The following RIMS1 variants were observed in gnomAD, a reference collection of about 807,000 sequenced individuals.
RIMS1 encodes regulating synaptic membrane exocytosis protein 1.
Under a neutral mutation model 214.1 loss-of-function variants are expected in RIMS1, and 83 were observed. That is an observed-to-expected ratio of 0.39 (90% CI 0.32 to 0.47). The LOEUF (loss-of-function observed/expected upper bound fraction) is 0.47, where lower values mean the gene tolerates loss of function less well. RIMS1 is among the 20% of genes least tolerant of loss of function. The pLI is 0.99. For synonymous variants in RIMS1, 793 were observed against 786.8 expected, an observed-to-expected ratio of 1.01 and a Z score of -0.13; for missense variants, 2,050 against 2,161.8, an observed-to-expected ratio of 0.95 and a Z score of 1.03.
chr6:72,049,757 G>A (rs923367114), intron 2 of RIMS1, among the ~76,000 whole-genome samples: 3 of 152,156 alleles, frequency 2.0e-5, no homozygotes, highest in Non-Finnish European at 4.4e-5. Flanking sequence ...ATTAAGGAAG[G>A]AGAAGTACAG....
At chr6:72,393,677 AG>A (rs2098737372) in intron 31 of RIMS1, among the ~76,000 whole-genome samples, 1 of 152,084 alleles carries the variant, frequency 6.6e-6, no homozygotes, top group Non-Finnish European at 1.5e-5. Context: ...CAGTGAGCCC[AG>A]ATCAGGGCAC....
At chr6:72,098,547 G>A (rs373440731) in intron 3 of RIMS1, among the ~76,000 whole-genome samples, 7 of 150,408 alleles carry the variant, frequency 4.7e-5, no homozygotes, top group African/African-American at 1.5e-4. Context: ...CGCCCGTCTC[G>A]GCTTCCCAAA....
At chr6:72,280,385 A>G (rs994208975) in intron 23 of RIMS1, among the ~76,000 whole-genome samples, 2 of 152,008 alleles carry the variant, frequency 1.3e-5, no homozygotes, top group Non-Finnish European at 2.9e-5. Flanking sequence ...CCTATTTTAT[A>G]TATCTCAATC....
chr6:71,911,142 C>T (rs766703896), intron 1 of RIMS1, among the ~76,000 whole-genome samples: 12 of 152,076 alleles, frequency 7.9e-5, no homozygotes, highest in Non-Finnish European at 1.6e-4. Context: ...GTTTACCCTT[C>T]GACATTGAAT....
chr6:71,945,019 C>T (rs537307734), intron 1 of RIMS1, among the ~76,000 whole-genome samples: 6 of 152,264 alleles, frequency 3.9e-5, no homozygotes, highest in African/African-American at 1.2e-4. Flanking sequence ...TTACTATGTG[C>T]AAACTTTCAA....
Position 72,098,317 on chromosome 6 carries a change from G to A in RIMS1, c.459+1155G>A, listed in dbSNP as rs181742518. 1.7e-3 allele frequency among the ~76,000 whole-genome samples: 204 copies of A among 118,996 alleles called. 1 individual carries two copies. The highest frequency in any genetic ancestry group is 6.3e-3 in the African/African-American group (187 of 29,524). The allele number at this position is 118,996 out of a possible 152,430, so 78.1% of individuals were successfully genotyped here. A position where few individuals can be genotyped will look rare whatever the true frequency, so the allele number is the denominator to read the frequency against. On this transcript the variant is annotated intron_variant, in intron 3 of 33. Transcript: ENST00000521978. ...TTTTTTTTTTTTTCTTTTTTTTCTT[G>A]AGACAGAGTCTTGCTCTGTCACCCA... is the stretch of plus-strand genomic sequence containing the variant.
intron 29 of RIMS1, among the ~76,000 whole-genome samples, chr6:72,370,010 G>A (rs189804432): frequency 8.7e-4 from 133 of 152,284 alleles, no homozygotes; most frequent in Non-Finnish European, 1.4e-3. Flanking sequence ...CCATTTTTAA[G>A]GGGCAGAAGA....
At chr6:72,273,514 A>C (rs1170200150) in intron 22 of RIMS1, among the ~76,000 whole-genome samples, 1 of 152,144 alleles carries the variant, frequency 6.6e-6, no homozygotes, top group Non-Finnish European at 1.5e-5. Context: ...CACAGACAGA[A>C]TCTAAAGGTA....
At chr6:72,361,392 C>A (rs943601937) in intron 29 of RIMS1, among the ~76,000 whole-genome samples, 1 of 152,020 alleles carries the variant, frequency 6.6e-6, no homozygotes, top group African/African-American at 2.4e-5. Flanking sequence ...AGGTGTGAGC[C>A]ACTGCACCGG....
intron 8 of RIMS1, among the ~76,000 whole-genome samples, chr6:72,236,841 C>T (rs1226590522): frequency 6.7e-6 from 1 of 149,974 alleles, no homozygotes. Context: ...TATTGGGCCA[C>T]ATTCAAAGTC....
chr6:72,359,760 A>C (rs1366824425), intron 29 of RIMS1, among the ~76,000 whole-genome samples: 1 of 152,198 alleles, frequency 6.6e-6, no homozygotes, highest in African/African-American at 2.4e-5. Flanking sequence ...TGTGAGAGAA[A>C]TAACACAACA....
intron 29 of RIMS1, among the ~76,000 whole-genome samples, chr6:72,376,654 G>C (rs1248475835): frequency 6.6e-6 from 1 of 151,800 alleles, no homozygotes; most frequent in Non-Finnish European, 1.5e-5. Flanking sequence ...GACTAAGGTG[G>C]AAGGATGACT....
chr6:72,212,912 C>G (rs150729722), intron 6 of RIMS1: 1 of 1,345,470 alleles, frequency 7.4e-7, no homozygotes, highest in East Asian at 2.9e-5. Flanking sequence ...CTGCAGTGAC[C>G]TGAGTCAGTC....
Position 72,188,089 on chromosome 6 carries a change from C to G in RIMS1, c.1678+4940C>G, listed in dbSNP as rs144128639. Among the ~76,000 whole-genome samples the G allele has an allele frequency of 2.7e-3, 407 of 152,272 alleles. 3 individuals are homozygous for G. The highest frequency in any genetic ancestry group is 0.014 in the Middle Eastern group (4 of 294). ...TTCTTCTGCCTGCTTTTATTCTGGC[C>G]GTGCTGGGAACTGATGAGATTGTTC... On this transcript the variant is annotated intron_variant, in intron 6 of 33. Transcript: ENST00000521978.
intron 23 of RIMS1, among the ~76,000 whole-genome samples, chr6:72,276,462 G>T (rs1383539940): frequency 6.6e-6 from 1 of 151,980 alleles, no homozygotes; most frequent in Non-Finnish European, 1.5e-5. Context: ...AGTGGTATAT[G>T]AATTATTCCA....
intron 26 of RIMS1, among the ~76,000 whole-genome samples, chr6:72,306,312 G>T (rs2095160386): frequency 6.8e-6 from 1 of 147,576 alleles, no homozygotes; most frequent in Non-Finnish European, 1.5e-5. Context: ...TGCAGAAGTT[G>T]AGTTGTCTGG....
intron 1 of RIMS1, among the ~76,000 whole-genome samples, chr6:71,962,061 G>T (rs1793108458): frequency 6.6e-6 from 1 of 152,094 alleles, no homozygotes; most frequent in Non-Finnish European, 1.5e-5. Context: ...AATTGGACAT[G>T]TTGCCAAAAT....
intron 2 of RIMS1, among the ~76,000 whole-genome samples, chr6:72,030,968 T>C (rs1033956096): frequency 6.6e-6 from 1 of 152,186 alleles, no homozygotes; most frequent in Admixed American, 6.6e-5. Flanking sequence ...GGTTCTATTA[T>C]TTGTCTACCA....
intron 6 of RIMS1, among the ~76,000 whole-genome samples, chr6:72,220,668 C>T (rs576762480): frequency 2.0e-5 from 3 of 152,172 alleles, no homozygotes; most frequent in South Asian, 2.1e-4. Flanking sequence ...TAAACAAATA[C>T]ACCCAAAGCT....
Sources: gnomAD v4.1 joint callset for allele counts (sites outside exome capture counted in the v4.1 genomes callset) on GRCh38, gnomAD v4.1.1 for gene constraint, MANE v1.5 for transcripts, NCBI Gene and HGNC (gene_info 2026-07-23, HGNC 2026-07-21) for gene names.